Variants in DLG2 observed in about 807,000 individuals in gnomAD.
The protein encoded by DLG2 is disks large homolog 2.
In DLG2, 45 loss-of-function variants were observed where a neutral mutation model predicts 132.5. That is an observed-to-expected ratio of 0.34 (90% CI 0.27 to 0.44). The LOEUF is 0.44. Ranked by LOEUF, DLG2 falls within the 20% of genes least tolerant of loss-of-function variation. The pLI, the probability that DLG2 is intolerant of heterozygous loss-of-function variation, is 1.00. For missense variants in DLG2, 1,045 were observed against 1,196.9 expected (o/e 0.87, Z 1.87); for synonymous variants, 424 against 419.6 (o/e 1.01, Z -0.13).
At chr11:84,875,046 A>T (rs1482105026) in intron 6 of DLG2, among the ~76,000 whole-genome samples, 1 of 150,968 alleles carries the variant, frequency 6.6e-6, no homozygotes. Flanking sequence ...AAAGAGAAAG[A>T]TTTAGGAGTC....
At position 83,936,450 on chromosome 11, in the gene DLG2, GGT is replaced by G. The variant is rs2081454574; in HGVS notation, c.1341-5969_1341-5968del. Among the ~76,000 whole-genome samples, 4 of 152,194 alleles carry G rather than the reference GGT, an allele frequency of 2.6e-5. 1 individual carries two copies. In the East Asian group the frequency reaches 7.7e-4, roughly 29 times the overall value. On this transcript the variant is annotated intron_variant, in intron 14 of 27. Transcript: ENST00000376104. ...GCTTTCCCGTATGGTTCACAGCTGT[GGT>G]ATCACATCAGATTGTTGGGTCATAA...
In DLG2 at chr11:85,285,332, T is replaced by C. The variant is rs780020662; in HGVS notation, c.74A>G (p.Asn25Ser). ...CTTCTGCTCACAACTTTTTTGAGAA[T>C]TTAGCAATGTCACCTCATAAAATTC... ...IQEFYEVTLL[N>S]SQKSCEQKIE... Residue 25 changes from asparagine to serine, a missense_variant, in exon 4 of 28, where the codon AAT (asparagine) becomes AGT (serine). This residue lies in a region of DLG2 where 277 missense variants were observed against 238.2 expected (regional missense o/e 1.16). Coordinates refer to ENST00000376104, the MANE Select transcript of DLG2 (RefSeq NM_001142699.3). 1 of 1,611,546 alleles carries C rather than the reference T, an allele frequency of 6.2e-7. No homozygotes were observed. Among genetic ancestry groups the C allele is most frequent in the Non-Finnish European group, 8.5e-7 (1 of 1,178,500 alleles).
intron 3 of DLG2, among the ~76,000 whole-genome samples, chr11:85,499,282 G>T (rs1458497678): frequency 1.3e-5 from 2 of 152,064 alleles, no homozygotes; most frequent in African/African-American, 2.4e-5. Context: ...TGATCCCACA[G>T]AAATACAAAC....
chr11:83,843,955 A>G (rs2058111090), intron 16 of DLG2, among the ~76,000 whole-genome samples: 1 of 152,196 alleles, frequency 6.6e-6, no homozygotes, highest in Non-Finnish European at 1.5e-5. Flanking sequence ...GCTTGCAAGT[A>G]AGAGAAATCT....
chr11:84,320,763 A>G (rs2098399986), intron 7 of DLG2, among the ~76,000 whole-genome samples: 1 of 152,192 alleles, frequency 6.6e-6, no homozygotes. Context: ...ATTTAACCAA[A>G]ACAGAGGATT....
rs368813604 is a variant in DLG2, at chr11:85,537,640, C to G, written c.40+61017G>C. Among the ~76,000 whole-genome samples the G allele has an allele frequency of 2.0e-5, 3 of 151,700 alleles. No homozygotes were observed. The East Asian group carries it at 5.8e-4, about 29-fold the overall frequency. Reference sequence around the variant, plus strand: ...GCTTCACTCATGAGGCCAGCAAGACCACGAACCCACCAGAAGGAATGAACA... The same window carrying G: ...GCTTCACTCATGAGGCCAGCAAGACGACGAACCCACCAGAAGGAATGAACA... On this transcript the variant is annotated intron_variant, in intron 3 of 27. Transcript: ENST00000376104.
intron 6 of DLG2, among the ~76,000 whole-genome samples, chr11:84,905,662 C>A (rs1450837796): frequency 6.6e-6 from 1 of 152,130 alleles, no homozygotes; most frequent in African/African-American, 2.4e-5. Flanking sequence ...CAATCAAACA[C>A]CCTCCTTTCC....
chr11:84,976,900 C>T (rs527677688), intron 6 of DLG2, among the ~76,000 whole-genome samples: 82 of 152,254 alleles, frequency 5.4e-4, no homozygotes, highest in Middle Eastern at 3.4e-3. Context: ...CTTTGGAACA[C>T]ATATCTCCTG....
chr11:84,979,534 A>T (rs2154118825), intron 6 of DLG2, among the ~76,000 whole-genome samples: 1 of 152,234 alleles, frequency 6.6e-6, no homozygotes, highest in South Asian at 2.1e-4. Flanking sequence ...GGAAACCATC[A>T]TTCTCAGCAA....
chr11:85,041,205 T>A (rs570589027), intron 6 of DLG2, among the ~76,000 whole-genome samples: 2 of 152,046 alleles, frequency 1.3e-5, no homozygotes, highest in South Asian at 2.1e-4. Flanking sequence ...TTCATGGGTA[T>A]AATAGCAGTG....
chr11:84,266,087 T>C (rs1437380739), intron 7 of DLG2, among the ~76,000 whole-genome samples: 1 of 152,116 alleles, frequency 6.6e-6, no homozygotes, highest in East Asian at 1.9e-4. Flanking sequence ...ACTATATCAG[T>C]GCTAATACTC....
At chr11:85,405,837 C>A (rs1161663995) in intron 3 of DLG2, among the ~76,000 whole-genome samples, 1 of 151,824 alleles carries the variant, frequency 6.6e-6, no homozygotes, top group Non-Finnish European at 1.5e-5. Context: ...CAGACATGTA[C>A]CAACTGATTG....
chr11:85,575,604 A>C (rs1175731085), intron 3 of DLG2, among the ~76,000 whole-genome samples: 2 of 151,234 alleles, frequency 1.3e-5, no homozygotes, highest in Non-Finnish European at 2.9e-5. Context: ...TCCTGGAATG[A>C]TCTGGGCATA....
rs77834093 is a variant in DLG2, at chr11:84,022,811, A to G, written c.919+36504T>C. 2.6e-3 allele frequency among the ~76,000 whole-genome samples: 400 copies of G among 152,280 alleles called. 12 individuals are homozygous for G. In the East Asian group the frequency reaches 0.074, roughly 28 times the overall value. ...AAAATACATCTAGGGGTTAAAGTATATTAAACAAGCAGGTTTTCAAAGGTG... is the reference window on the plus strand; with the variant it reads ...AAAATACATCTAGGGGTTAAAGTATGTTAAACAAGCAGGTTTTCAAAGGTG... On this transcript the variant is annotated intron_variant, in intron 11 of 27. Transcript: ENST00000376104.
chr11:84,645,195 T>G (rs569748406), intron 6 of DLG2, among the ~76,000 whole-genome samples: 1 of 152,318 alleles, frequency 6.6e-6, no homozygotes, highest in South Asian at 2.1e-4. Flanking sequence ...TTCCAACTAC[T>G]AGCTATGTGC....
intron 19 of DLG2, among the ~76,000 whole-genome samples, chr11:83,624,498 A>G (rs1379189144): frequency 6.6e-6 from 1 of 152,246 alleles, no homozygotes; most frequent in African/African-American, 2.4e-5. Flanking sequence ...AGTAAGCATT[A>G]TGCTAATGGG....
At chr11:83,925,670 T>C (rs1591164039) in intron 15 of DLG2, among the ~76,000 whole-genome samples, 1 of 152,044 alleles carries the variant, frequency 6.6e-6, no homozygotes, top group Admixed American at 6.6e-5. Flanking sequence ...TCATTTCCCA[T>C]CCAAAACCTG....
intron 7 of DLG2, among the ~76,000 whole-genome samples, chr11:84,363,459 T>C (rs1340280001): frequency 1.3e-5 from 2 of 152,122 alleles, no homozygotes; most frequent in East Asian, 3.9e-4. Context: ...ATTTTCTGGG[T>C]TTCCTGTTCA....
Position 83,489,623 on chromosome 11 carries a change from T to C in DLG2, c.2194-5395A>G, listed in dbSNP as rs571532179. On this transcript the variant is annotated intron_variant, in intron 21 of 27. Transcript: ENST00000376104. ...TAATAACGGCATTATGGTCATGCCA[T>C]ATTGCAATATTAAGAGCTGAAAAAA... 3.3e-5 allele frequency among the ~76,000 whole-genome samples: 5 copies of C among 152,148 alleles called. No individual in the cohort carries two copies. The South Asian group carries it at 1.0e-3, about 32-fold the overall frequency.
Sources: gnomAD v4.1 joint callset for allele counts (sites outside exome capture counted in the v4.1 genomes callset) on GRCh38, gnomAD v4.1.1 for gene constraint, gnomAD v4.1.1 regional missense constraint, MANE v1.5 for transcripts, NCBI Gene and HGNC (gene_info 2026-07-23, HGNC 2026-07-21) for gene names.